The following AADACL3 variants were observed in gnomAD, a reference collection of about 807,000 sequenced individuals.
AADACL3 encodes arylacetamide deacetylase-like 3.
Under a neutral mutation model 13.6 loss-of-function variants are expected in AADACL3, and 13 were observed. The observed-to-expected ratio is 0.95, with a 90% CI of 0.62 to 1.52. The LOEUF (loss-of-function observed/expected upper bound fraction) is 1.52. AADACL3 is among the 40% of genes most tolerant of loss of function. AADACL3 has a pLI of 0.00. For missense variants in AADACL3, 519 were observed against 499.2 expected, an observed-to-expected ratio of 1.04 and a Z score of -0.38; for synonymous variants, 195 against 197.0, an observed-to-expected ratio of 0.99 and a Z score of 0.08.
chr1:12,725,886 A>G lies in AADACL3; in HGVS notation c.1114A>G (p.Met372Val), dbSNP rs748828471. Residue 372 changes from methionine (M) to valine (V), a missense_variant, in exon 4 of 4, where the codon ATG becomes GTG. Met to Val is a conservative substitution (Grantham distance 21). Coordinates refer to ENST00000359318, the MANE Select transcript of AADACL3 (RefSeq NM_001103170.3). ...GGGAGTGCCCGTGACCTGGCACCAT[A>G]TGGAGGATGGTTTCCATGGAGTGCT... Reference protein sequence around the residue: ...DLGVPVTWHHMEDGFHGVLRT... With the variant: ...DLGVPVTWHHVEDGFHGVLRT... The G allele has an allele frequency of 9.3e-6, 15 of 1,614,058 alleles. No homozygotes were observed. The Admixed American group carries it at 1.5e-4, about 16-fold the overall frequency.
chr1:12,720,694 C>T (rs959294698), intron 2 of AADACL3, among the ~76,000 whole-genome samples, 189 bp from the exon 3 acceptor site: 1 of 151,986 alleles, frequency 6.6e-6, no homozygotes, highest in East Asian at 1.9e-4. Context: ...GGAGGGTGGG[C>T]GTCTTAGAGA....
At chr1:12,717,167 T>G (rs1018847675) in intron 1 of AADACL3, among the ~76,000 whole-genome samples, 1 of 152,202 alleles carries the variant, frequency 6.6e-6, no homozygotes, top group African/African-American at 2.4e-5. Context: ...ACCCTAGGTG[T>G]GTCTTCTATG....
rs973997900 is a variant in AADACL3 at position 12,719,670 on chromosome 1, G to T, written c.364G>T (p.Gly122Trp). The change falls in exon 2 of 4, where the codon GGG becomes TGG. Residue 122 changes from glycine (G) to tryptophan (W), a missense_variant. Gly to Trp is a radical substitution (Grantham distance 184). Coordinates refer to ENST00000359318, the MANE Select transcript of AADACL3 (RefSeq NM_001103170.3). The stretch of plus-strand genomic sequence containing the variant: ...TGGCATCGTGTACTACCACGGTGGC[G>T]GGGGCGTCATGGGGAGTTTGAGTAA... ...KPGIVYYHGGGGVMGSLKTHH... is the reference protein window; with the variant it reads ...KPGIVYYHGGWGVMGSLKTHH... 3 of 1,614,042 alleles carry T rather than the reference G, an allele frequency of 1.9e-6. No homozygotes were observed. The highest frequency in any genetic ancestry group is 1.7e-4 in the Middle Eastern group (1 of 6,012).
intron 3 of AADACL3, among the ~76,000 whole-genome samples, chr1:12,724,554 A>AG (rs2100215539): frequency 6.8e-6 from 1 of 147,096 alleles, no homozygotes; most frequent in East Asian, 2.2e-4. Flanking sequence ...GCATGGTCAC[A>AG]GCTCACTGCA....
intron 1 of AADACL3, among the ~76,000 whole-genome samples, chr1:12,719,011 A>G (rs908549749): frequency 2.6e-5 from 4 of 152,222 alleles, no homozygotes; most frequent in African/African-American, 9.6e-5. Flanking sequence ...TTCAAAAGAT[A>G]TGAACTCCCC....
intron 1 of AADACL3, 34 bp from the exon 2 acceptor site, chr1:12,719,441 C>T: frequency 1.3e-6 from 2 of 1,594,594 alleles, no homozygotes; most frequent in African/African-American, 1.3e-5. Flanking sequence ...TGAAGAAACC[C>T]ATCTCGACCC....
intron 1 of AADACL3, among the ~76,000 whole-genome samples, chr1:12,716,971 G>A (rs1648450396): frequency 6.6e-6 from 1 of 152,160 alleles, no homozygotes; most frequent in South Asian, 2.1e-4. Flanking sequence ...GCTGCCTAGG[G>A]AATATAGTTT....
chr1:12,723,124 A>T (rs951683320), intron 3 of AADACL3, among the ~76,000 whole-genome samples: 2 of 152,018 alleles, frequency 1.3e-5, no homozygotes, highest in Non-Finnish European at 2.9e-5. Context: ...CTTCTTCCTC[A>T]GCTTCTCAGA....
chr1:12,719,538 C>T lies in AADACL3; in HGVS notation c.232C>T (p.Leu78=), dbSNP rs751162776. 19 of 1,614,066 alleles carry T rather than the reference C, an allele frequency of 1.2e-5. 1 individual carries two copies. In the Admixed American group the frequency reaches 3.0e-4, roughly 25 times the overall value. Reference sequence around the variant, plus strand: ...CCAATTTTTCTGTTTCATGCAAGATCTGCCTCCGCTAAAGTATGACCCCGA... The same window carrying T: ...CCAATTTTTCTGTTTCATGCAAGATTTGCCTCCGCTAAAGTATGACCCCGA... ...MPQFFCFMQD[L]PPLKYDPDVV... Residue 78 remains leucine, a synonymous_variant, in exon 2 of 4, where the codon CTG becomes TTG. Transcript: ENST00000359318.
intron 1 of AADACL3, among the ~76,000 whole-genome samples, chr1:12,717,719 C>T (rs1044139932): frequency 7.2e-5 from 11 of 152,190 alleles, no homozygotes; most frequent in East Asian, 3.9e-4. Flanking sequence ...CTTCCCAAAG[C>T]GGAGAATGCA....
rs572207536 is a variant in AADACL3, at chr1:12,720,685, G to A, written c.386-198G>A. Among the ~76,000 whole-genome samples the A allele has an allele frequency of 4.6e-5, 7 of 152,284 alleles. No homozygotes were observed. In the South Asian group the frequency reaches 1.2e-3, roughly 27 times the overall value. ...TTTTAATGGCTTGTAGGATGGATTG[G>A]AGGGTGGGCGTCTTAGAGAAAGTTG... On this transcript the variant is annotated intron_variant, in intron 2 of 3. Coordinates refer to ENST00000359318, the MANE Select transcript of AADACL3 (RefSeq NM_001103170.3).
At position 12,725,247 on chromosome 1, in the gene AADACL3, T is replaced by C. The variant is rs1638340846; in HGVS notation, c.475T>C (p.Phe159Leu). 2 of 1,607,834 alleles carry C rather than the reference T, an allele frequency of 1.2e-6. No individual in the cohort carries two copies. The highest frequency in any genetic ancestry group is 1.7e-5 in the Admixed American group (1 of 58,518). The change falls in exon 4 of 4, where the codon TTT (phenylalanine) becomes CTT (leucine). Residue 159 changes from phenylalanine to leucine, a missense_variant. By Grantham distance (22) the Phe-to-Leu change is conservative (BLOSUM62 0). Coordinates refer to ENST00000359318, the MANE Select transcript of AADACL3 (RefSeq NM_001103170.3). ...VGYRKLPKHK[F>L]PVPVRDCLVA... ...TTACCGCAAGTTACCTAAGCATAAG[T>C]TTCCAGTGCCAGTAAGAGACTGCTT...
chr1:12,720,937 T>C lies in AADACL3; in HGVS notation c.440T>C (p.Leu147Pro). The C allele has an allele frequency of 1.9e-6, 3 of 1,606,682 alleles. No individual in the cohort carries two copies. The highest frequency in any genetic ancestry group is 1.7e-6 in the Non-Finnish European group (2 of 1,176,336). Residue 147 changes from leucine (L) to proline (P), a missense_variant, in exon 3 of 4, where the codon CTG becomes CCG. Coordinates refer to ENST00000359318, the MANE Select transcript of AADACL3 (RefSeq NM_001103170.3). ...TGCAAGGAGAGTGACTCCGTGGTTCTGGCAGTTGGGTGAGTAAAGGGGAGA... is the reference window on the plus strand; with the variant it reads ...TGCAAGGAGAGTGACTCCGTGGTTCCGGCAGTTGGGTGAGTAAAGGGGAGA... ...RLCKESDSVV[L>P]AVGYRKLPKH...
At chr1:12,720,592 C>A (rs1337407142) in intron 2 of AADACL3, among the ~76,000 whole-genome samples, 2 of 152,142 alleles carry the variant, frequency 1.3e-5, no homozygotes, top group East Asian at 3.9e-4. Context: ...GAGATTTGAA[C>A]TCCAGTCTGA....
chr1:12,721,351 G>A (rs1168506255), intron 3 of AADACL3, among the ~76,000 whole-genome samples: 1 of 152,110 alleles, frequency 6.6e-6, no homozygotes, highest in Non-Finnish European at 1.5e-5. Flanking sequence ...AGCCGTGATT[G>A]CGCCACTACA....
In AADACL3 at chr1:12,726,148, A is replaced by G. The variant is rs920923178; in HGVS notation, c.*152A>G. The stretch of plus-strand genomic sequence containing the variant: ...TTTCTGGTCCAGGTTCTAGAACCAC[A>G]CAATGCATGCTCCTGATGTCCAGAG... On this transcript the variant is annotated 3_prime_UTR_variant, in exon 4 of 4. Transcript: ENST00000359318. The G allele has an allele frequency of 2.5e-6, 2 of 791,438 alleles. No individual in the cohort carries two copies. The highest frequency in any genetic ancestry group is 5.9e-5 in the Admixed American group (2 of 33,970). 49.0% of individuals were successfully genotyped at this position (791,438 alleles called of 1,614,324 possible).
chr1:12,717,123 G>T (rs1291610358), intron 1 of AADACL3, among the ~76,000 whole-genome samples: 1 of 152,126 alleles, frequency 6.6e-6, no homozygotes, highest in Non-Finnish European at 1.5e-5. Context: ...CTTACATAAC[G>T]AAAAGCAATT....
intron 2 of AADACL3, 52 bp from the exon 3 acceptor site, chr1:12,720,831 G>A (rs1638240466): frequency 6.6e-7 from 1 of 1,520,160 alleles, no homozygotes; most frequent in African/African-American, 1.4e-5. Context: ...CGGTGACAAT[G>A]GCTGGCAAAG....
chr1:12,716,476 T>C (rs1406386792), intron 1 of AADACL3, 132 bp downstream of exon 1: 2 of 1,290,752 alleles, frequency 1.5e-6, no homozygotes, highest in African/African-American at 1.4e-5. Flanking sequence ...GATCAGACCT[T>C]CTGAAATGTG....
Sources: allele counts gnomAD v4.1 joint callset (sites outside exome capture counted in the v4.1 genomes callset), GRCh38; gene constraint gnomAD v4.1.1; transcripts MANE v1.5; gene names NCBI Gene and HGNC (gene_info 2026-07-23, HGNC 2026-07-21).